Variants in SLC38A1 observed in about 807,000 individuals in gnomAD.
SLC38A1 encodes solute carrier family 38 member 1, also known as sodium-coupled neutral amino acid symporter 1.
Under a neutral mutation model 60.3 loss-of-function variants are expected in SLC38A1, and 18 were observed. The ratio of observed to expected loss-of-function variants is 0.30; its 90% CI spans 0.21 to 0.44. The LOEUF is 0.44. SLC38A1 is among the 20% of genes least tolerant of loss of function. The probability of loss-of-function intolerance (pLI) is 1.00; values close to 1 mark genes in which losing one functional copy is unlikely to be tolerated. For synonymous variants in SLC38A1, 196 were observed against 212.1 expected, an observed-to-expected ratio of 0.92 and a Z score of 0.66; for missense variants, 448 against 587.2, an observed-to-expected ratio of 0.76 and a Z score of 2.45.
At chr12:46,228,916 C>T (rs1477822835) in intron 5 of SLC38A1, among the ~76,000 whole-genome samples, 1 of 152,150 alleles carries the variant, frequency 6.6e-6, no homozygotes, top group Non-Finnish European at 1.5e-5. Context: ...ATCCTTTTCA[C>T]AAATGCTTAT....
Position 46,184,534 on chromosome 12 carries a change from T to C in SLC38A1, c.*4436A>G, listed in dbSNP as rs1335668709. On this transcript the variant is annotated 3_prime_UTR_variant, in exon 17 of 17. Coordinates refer to ENST00000398637, the MANE Select transcript of SLC38A1 (RefSeq NM_030674.4). ...GTATAAAATCCATTATCTGATCATA[T>C]TCCTGACCTCCCCCCGACTCCAACT... 1 of 152,218 alleles carries C rather than the reference T, an allele frequency of 6.6e-6. No individual in the cohort carries two copies. The highest frequency in any genetic ancestry group is 1.5e-5 in the Non-Finnish European group (1 of 68,046). 9.4% of individuals were successfully genotyped at this position (152,218 alleles called of 1,614,324 possible). A position where few individuals can be genotyped will look rare whatever the true frequency, so the allele number is the denominator to read the frequency against.
chr12:46,242,417 G>A (rs1241327221), intron 2 of SLC38A1, among the ~76,000 whole-genome samples: 1 of 152,064 alleles, frequency 6.6e-6, no homozygotes, highest in Non-Finnish European at 1.5e-5. Context: ...GGGATCTCAG[G>A]CAGCTTCATA....
chr12:46,229,205 CA>C lies in SLC38A1; in HGVS notation c.261del (p.Ser87ArgfsTer22). The C allele has an allele frequency of 6.2e-7, 1 of 1,613,828 alleles. No homozygotes were observed. Among genetic ancestry groups the C allele is most frequent in the Non-Finnish European group, 8.5e-7 (1 of 1,179,854 alleles). ...AGGGCAAAGGCGAGTCCCAAAATCC[CA>C]CTGCCCATAATGGCGTTGCTTAGGT... The part of the protein sequence containing the change: ...VFNLSNAIMG[S>X]GILGLAFALA... On this transcript the variant is annotated frameshift_variant, in exon 5 of 17. Coordinates refer to ENST00000398637, the MANE Select transcript of SLC38A1 (RefSeq NM_030674.4). LOFTEE classifies it high-confidence loss of function.
chr12:46,238,962 T>G (rs1025331742), intron 3 of SLC38A1: 2 of 152,228 alleles, frequency 1.3e-5, no homozygotes, highest in Non-Finnish European at 2.9e-5. Context: ...ACACTTGTAG[T>G]TTAACACAGA....
intron 1 of SLC38A1, among the ~76,000 whole-genome samples, chr12:46,253,774 A>G (rs908274115): frequency 6.6e-6 from 1 of 152,058 alleles, no homozygotes; most frequent in African/African-American, 2.4e-5. Flanking sequence ...CCTCCCTTTT[A>G]TAAGAGAACC....
chr12:46,248,363 A>C (rs1338504938), intron 1 of SLC38A1, among the ~76,000 whole-genome samples: 1 of 152,094 alleles, frequency 6.6e-6, no homozygotes, highest in Non-Finnish European at 1.5e-5. Context: ...AATGGAAAGC[A>C]AAAAAAAGTA....
chr12:46,201,298 T>C lies in SLC38A1; in HGVS notation c.903-100A>G, dbSNP rs919953991. The C allele has an allele frequency of 1.3e-5, 13 of 980,988 alleles. No homozygotes were observed. The Admixed American group carries it at 2.5e-4, about 19-fold the overall frequency. 60.8% of individuals were successfully genotyped at this position (980,988 alleles called of 1,614,324 possible). On this transcript the variant is annotated intron_variant, in intron 12 of 16. Transcript: ENST00000398637. ...CTAATTTAACTTTGCTTCTGTCAGG[T>C]TAGGGAAGATCTGAACAGCTGAAAT...
chr12:46,247,557 G>C (rs1438250481), intron 1 of SLC38A1, among the ~76,000 whole-genome samples: 2 of 152,226 alleles, frequency 1.3e-5, no homozygotes, highest in Non-Finnish European at 2.9e-5. Flanking sequence ...ATCTACGTTT[G>C]ACTGGTGTAC....
rs1259378620 is a variant in SLC38A1, at chr12:46,239,592, C to A, written c.122+87G>T. ...TCCTGACCTCAAATGATCCACCCACCTCGGCCTCCCAAAGTGATGGGATTA... is the reference window on the plus strand; with the variant it reads ...TCCTGACCTCAAATGATCCACCCACATCGGCCTCCCAAAGTGATGGGATTA... On this transcript the variant is annotated intron_variant, in intron 3 of 16. Coordinates refer to ENST00000398637, the MANE Select transcript of SLC38A1 (RefSeq NM_030674.4). The A allele has an allele frequency of 4.7e-6, 7 of 1,481,198 alleles. No individual in the cohort carries two copies. The East Asian group carries it at 1.6e-4, about 34-fold the overall frequency. The allele number at this position is 1,481,198 out of a possible 1,614,324, so 91.8% of individuals were successfully genotyped here.
At chr12:46,261,523 A>C (rs373894054) in intron 1 of SLC38A1, among the ~76,000 whole-genome samples, 1 of 152,242 alleles carries the variant, frequency 6.6e-6, no homozygotes. Flanking sequence ...ACCTGCCTGC[A>C]GACAATATAT....
chr12:46,249,122 C>G (rs922146395), intron 1 of SLC38A1, among the ~76,000 whole-genome samples: 3 of 132,120 alleles, frequency 2.3e-5, no homozygotes, highest in Non-Finnish European at 3.1e-5. Flanking sequence ...TGCCACTGCA[C>G]TCCAGACAGG....
chr12:46,204,610 A>G lies in SLC38A1; in HGVS notation c.647-20T>C. On this transcript the variant is annotated intron_variant, in intron 9 of 16. Transcript: ENST00000398637. Reference sequence around the variant, plus strand: ...GATACCCTTTAAAAAAAAGTAAAAAATAAATTATTTCATTTTTTTCCATTT... The same window carrying G: ...GATACCCTTTAAAAAAAAGTAAAAAGTAAATTATTTCATTTTTTTCCATTT... 6.4e-7 allele frequency: 1 copy of G among 1,568,182 alleles called. No homozygotes were observed. Among genetic ancestry groups the G allele is most frequent in the Non-Finnish European group, 8.6e-7 (1 of 1,158,512 alleles).
At chr12:46,207,260 TAGAA>T in intron 7 of SLC38A1, 24 bp from the exon 8 acceptor site, 1 of 1,585,626 alleles carries the variant, frequency 6.3e-7, no homozygotes, top group South Asian at 1.1e-5. Context: ...AGAACATTTT[TAGAA>T]AGAAGATACG....
chr12:46,238,231 C>T (rs1172647691), intron 3 of SLC38A1, among the ~76,000 whole-genome samples: 1 of 148,728 alleles, frequency 6.7e-6, no homozygotes, highest in Non-Finnish European at 1.5e-5. Flanking sequence ...AGTAAGTACA[C>T]TTGAGCCCCA....
chr12:46,253,715 C>T (rs1008004951), intron 1 of SLC38A1, among the ~76,000 whole-genome samples: 1 of 152,168 alleles, frequency 6.6e-6, no homozygotes, highest in African/African-American at 2.4e-5. Context: ...TTACTCAGCT[C>T]CTATTTAAAA....
chr12:46,223,899 G>A (rs1261690553), intron 5 of SLC38A1, among the ~76,000 whole-genome samples: 2 of 152,194 alleles, frequency 1.3e-5, no homozygotes, highest in African/African-American at 4.8e-5. Flanking sequence ...ATTCTGTGTA[G>A]TGTAATAAAC....
chr12:46,245,852 T>C (rs4768692), intron 1 of SLC38A1, among the ~76,000 whole-genome samples: 79,966 of 152,008 alleles, frequency 0.53, 21,171 homozygotes, highest in Non-Finnish European at 0.55. Flanking sequence ...AGATTTTTCT[T>C]CCTTTTTTAT....
intron 16 of SLC38A1, among the ~76,000 whole-genome samples, chr12:46,193,707 A>G (rs1161791154): frequency 6.7e-6 from 1 of 149,618 alleles, no homozygotes; most frequent in African/African-American, 2.5e-5. Context: ...ATCTCTTTTG[A>G]TCTTTGTTGG....
chr12:46,260,207 C>G (rs1592159199), intron 1 of SLC38A1, among the ~76,000 whole-genome samples: 1 of 152,190 alleles, frequency 6.6e-6, no homozygotes, highest in Non-Finnish European at 1.5e-5. Flanking sequence ...TTCTTGGTCT[C>G]CTCTGCCAGA....
Sources: gnomAD v4.1 joint callset for allele counts (sites outside exome capture counted in the v4.1 genomes callset) on GRCh38, gnomAD v4.1.1 for gene constraint, MANE v1.5 for transcripts, NCBI Gene and HGNC (gene_info 2026-07-23, HGNC 2026-07-21) for gene names.